Variants in TMEM41B observed in about 807,000 individuals in gnomAD.
TMEM41B encodes the protein transmembrane protein 41B.
TMEM41B carries 18 observed loss-of-function variants against 31.9 expected under a neutral mutation model. That is an observed-to-expected ratio of 0.56 (90% CI 0.39 to 0.84). The LOEUF is 0.84. TMEM41B is among the 40% of genes least tolerant of loss of function. The probability of loss-of-function intolerance (pLI) is 0.00; values close to 1 mark genes in which losing one functional copy is unlikely to be tolerated. For synonymous variants in TMEM41B, 144 were observed against 124.3 expected, an observed-to-expected ratio of 1.16 and a Z score of -1.05; for missense variants, 322 against 348.0, an observed-to-expected ratio of 0.93 and a Z score of 0.59.
intron 1 of TMEM41B, chr11:9,311,242 A>G (rs1413096903): frequency 6.7e-7 from 1 of 1,489,258 alleles, no homozygotes; most frequent in African/African-American, 1.4e-5. Context: ...GGAGAGCAGA[A>G]CTGGTGAGAC....
chr11:9,307,235 A>G (rs1853419734), intron 1 of TMEM41B, among the ~76,000 whole-genome samples: 1 of 152,162 alleles, frequency 6.6e-6, no homozygotes, highest in South Asian at 2.1e-4. Context: ...TTCTAGATAT[A>G]CTTGATCCCA....
At position 9,289,206 on chromosome 11, in the gene TMEM41B, A is replaced by C. The variant is rs1383656782; in HGVS notation, c.369-671T>G. Among the ~76,000 whole-genome samples the C allele has an allele frequency of 2.0e-5, 3 of 152,188 alleles. No homozygotes were observed. In the East Asian group the frequency reaches 5.8e-4, roughly 29 times the overall value. On this transcript the variant is annotated intron_variant, in intron 3 of 6. Coordinates refer to ENST00000528080, the MANE Select transcript of TMEM41B (RefSeq NM_015012.4). ...GAGATGAGGTCTGGCTGAGTTGCCC[A>C]GGCTAGTCTTGAACTCCTGGGCTCA...
chr11:9,287,846 C>A, intron 4 of TMEM41B, 40 bp from the exon 5 acceptor site: 2 of 1,471,516 alleles, frequency 1.4e-6, no homozygotes, highest in East Asian at 2.3e-5. Context: ...TGTATTTTTC[C>A]GTCTTACTCA....
chr11:9,284,161 C>T (rs1007075697), intron 6 of TMEM41B, among the ~76,000 whole-genome samples: 28 of 151,806 alleles, frequency 1.8e-4, no homozygotes, highest in African/African-American at 6.5e-4. Context: ...TTTGTTTTCT[C>T]CCCCCGAGAG....
intron 2 of TMEM41B, among the ~76,000 whole-genome samples, chr11:9,298,063 CAAAAAAAAA>C (rs34802416): frequency 2.4e-5 from 2 of 83,970 alleles, no homozygotes; most frequent in Non-Finnish European, 4.5e-5. Flanking sequence ...GACCCTGCCT[CAAAAAAAAA>C]AAAAAAAAAA....
At chr11:9,311,771 G>A (rs1313332667) in intron 1 of TMEM41B, 2 of 606,824 alleles carry the variant, frequency 3.3e-6, no homozygotes, top group East Asian at 2.9e-5. Context: ...TTCACCTCCT[G>A]TCTGCTCTCT....
chr11:9,307,446 ATC>A (rs1267267868), intron 1 of TMEM41B, among the ~76,000 whole-genome samples: 3 of 135,530 alleles, frequency 2.2e-5, no homozygotes, highest in Non-Finnish European at 5.0e-5. Context: ...ATAAAATAAA[ATC>A]TTTTTTTTTT....
chr11:9,284,503 G>A (rs554683267), intron 6 of TMEM41B, among the ~76,000 whole-genome samples: 12 of 152,022 alleles, frequency 7.9e-5, no homozygotes, highest in East Asian at 5.8e-4. Flanking sequence ...TGGCTCATAC[G>A]TGTAATCCCA....
At chr11:9,296,684 G>A (rs1026203977) in intron 2 of TMEM41B, among the ~76,000 whole-genome samples, 1 of 151,574 alleles carries the variant, frequency 6.6e-6, no homozygotes, top group African/African-American at 2.4e-5. Flanking sequence ...CATCATTTTG[G>A]GTAATCCTGA....
chr11:9,283,589 G>T lies in TMEM41B; in HGVS notation c.711C>A (p.Val237=). ...TAATGGCTACAAAAGAAGGAGGTGC[G>T]ACACCTGAAATAAAATATAAAAAGA... ...KVFFIGTFLG[V]APPSFVAIKA... Residue 237 remains valine (V), a synonymous_variant, in exon 7 of 7, where the codon GTC becomes GTA. Coordinates refer to ENST00000528080, the MANE Select transcript of TMEM41B (RefSeq NM_015012.4). The T allele has an allele frequency of 6.3e-7, 1 of 1,597,962 alleles. No homozygotes were observed. The highest frequency in any genetic ancestry group is 8.5e-7 in the Non-Finnish European group (1 of 1,175,910).
In TMEM41B at chr11:9,281,609, TTTA is replaced by T. The variant is rs1314545341; in HGVS notation, c.*1812_*1814del. On this transcript the variant is annotated 3_prime_UTR_variant, in exon 7 of 7. Coordinates refer to ENST00000528080, the MANE Select transcript of TMEM41B (RefSeq NM_015012.4). ...GGTGAAGGTAAAACTGACAGAGTAC[TTTA>T]GATCAGCTATGTCCTACAGTCAAGG... 6.6e-6 allele frequency: 1 copy of T among 152,220 alleles called. No individual in the cohort carries two copies. Among genetic ancestry groups the T allele is most frequent in the African/African-American group, 2.4e-5 (1 of 41,464 alleles). 9.4% of individuals were successfully genotyped at this position (152,220 alleles called of 1,614,324 possible). A position where few individuals can be genotyped will look rare whatever the true frequency, so the allele number is the denominator to read the frequency against.
chr11:9,290,812 T>C (rs1371164596), intron 3 of TMEM41B, among the ~76,000 whole-genome samples: 1 of 152,178 alleles, frequency 6.6e-6, no homozygotes, highest in African/African-American at 2.4e-5. Flanking sequence ...ACTAGTGTTA[T>C]GATGCCCTAT....
rs77956004 is a variant in TMEM41B, at chr11:9,284,930, A to C, written c.707-1337T>G. On this transcript the variant is annotated intron_variant, in intron 6 of 6. Coordinates refer to ENST00000528080, the MANE Select transcript of TMEM41B (RefSeq NM_015012.4). ...ATAAATTACTTTGGCCAAAGCTGAA[A>C]TTAACTAAATCTCTGGCTTTCACCT... Among the ~76,000 whole-genome samples the C allele has an allele frequency of 5.1e-3, 776 of 152,312 alleles. 18 individuals are homozygous for C. In the East Asian group the frequency reaches 0.067, roughly 13 times the overall value.
At chr11:9,293,583 T>G (rs1421428344) in intron 3 of TMEM41B, among the ~76,000 whole-genome samples, 1 of 152,064 alleles carries the variant, frequency 6.6e-6, no homozygotes, top group African/African-American at 2.4e-5. Flanking sequence ...CTTTTTATTT[T>G]TGTTATTTTT....
At chr11:9,311,154 G>C (rs1398516410) in intron 1 of TMEM41B, 1 of 1,097,174 alleles carries the variant, frequency 9.1e-7, no homozygotes, top group African/African-American at 1.6e-5. Context: ...ACAGCAGGGT[G>C]AAGCTCAGGC....
chr11:9,299,555 A>G, intron 2 of TMEM41B, 29 bp downstream of exon 2: 1 of 1,392,848 alleles, frequency 7.2e-7, no homozygotes, highest in Admixed American at 1.9e-5. Context: ...ATATCTATAC[A>G]TTTTCAGTTT....
At chr11:9,293,798 G>C (rs1363555479) in intron 3 of TMEM41B, among the ~76,000 whole-genome samples, 1 of 151,842 alleles carries the variant, frequency 6.6e-6, no homozygotes, top group African/African-American at 2.4e-5. Context: ...GGCCAGGCTG[G>C]TCTGAACCCC....
chr11:9,300,353 G>A (rs963328089), intron 1 of TMEM41B, among the ~76,000 whole-genome samples: 1 of 152,068 alleles, frequency 6.6e-6, no homozygotes, highest in East Asian at 1.9e-4. Flanking sequence ...GGAGCCAACA[G>A]CATAGACAAA....
At chr11:9,284,744 CAG>C (rs1044021275) in intron 6 of TMEM41B, among the ~76,000 whole-genome samples, 1 of 145,512 alleles carries the variant, frequency 6.9e-6, no homozygotes, top group African/African-American at 2.5e-5. Flanking sequence ...GCCTGGGCGA[CAG>C]AGAGAGAATC....
Sources: gnomAD v4.1 joint callset for allele counts (sites outside exome capture counted in the v4.1 genomes callset) on GRCh38, gnomAD v4.1.1 for gene constraint, MANE v1.5 for transcripts, NCBI Gene and HGNC (gene_info 2026-07-23, HGNC 2026-07-21) for gene names.